CACNA2D2: variants seen among roughly 807,000 people sequenced by gnomAD.
The protein encoded by CACNA2D2 is calcium voltage-gated channel auxiliary subunit alpha2delta 2, also known as voltage-dependent calcium channel subunit alpha-2/delta-2.
In CACNA2D2, 48 loss-of-function variants were observed where a neutral mutation model predicts 166.4. The observed-to-expected ratio is 0.29, with a 90% confidence interval of 0.23 to 0.37. The LOEUF is 0.37. Among genes scored for constraint, CACNA2D2 ranks in the 10% least tolerant of loss-of-function variants. The pLI is 1.00. For synonymous variants in CACNA2D2, 561 were observed against 573.7 expected (o/e 0.98, Z 0.32); for missense variants, 1,122 against 1,433.0 (o/e 0.78, Z 3.50).
chr3:50,465,916 A>C (rs1337852324), intron 2 of CACNA2D2, among the ~76,000 whole-genome samples: 1 of 152,160 alleles, frequency 6.6e-6, no homozygotes, highest in East Asian at 1.9e-4. Context: ...AGTGCACTGG[A>C]GAATCACCTG....
At chr3:50,482,941 A>G (rs1184819971) in intron 1 of CACNA2D2, among the ~76,000 whole-genome samples, 1 of 152,134 alleles carries the variant, frequency 6.6e-6, no homozygotes, top group East Asian at 1.9e-4. Context: ...AGTCTAGCCG[A>G]GATCACTCAC....
chr3:50,447,496 T>C (rs1255111783), intron 2 of CACNA2D2, among the ~76,000 whole-genome samples: 1 of 152,136 alleles, frequency 6.6e-6, no homozygotes, highest in South Asian at 2.1e-4. Context: ...GCCCTGATTA[T>C]GTAAGGCAGC....
intron 2 of CACNA2D2, among the ~76,000 whole-genome samples, chr3:50,452,244 C>T (rs1216390724): frequency 6.6e-6 from 1 of 152,228 alleles, no homozygotes; most frequent in Admixed American, 6.5e-5. Flanking sequence ...GAGAATGCCT[C>T]ACAGCCCAAC....
chr3:50,377,433 G>A, intron 17 of CACNA2D2, 34 bp downstream of exon 17: 7 of 1,564,046 alleles, frequency 4.5e-6, no homozygotes, highest in Non-Finnish European at 6.2e-6. Context: ...CCACATGGGA[G>A]GCAGGGTACG....
intron 3 of CACNA2D2, among the ~76,000 whole-genome samples, chr3:50,431,492 G>C (rs953088524): frequency 6.6e-6 from 1 of 152,256 alleles, no homozygotes; most frequent in East Asian, 1.9e-4. Context: ...CAGAGTCAGG[G>C]AGACCTGAGT....
intron 1 of CACNA2D2, among the ~76,000 whole-genome samples, chr3:50,486,457 T>C (rs1368190073): frequency 2.6e-5 from 4 of 152,102 alleles, no homozygotes; most frequent in Admixed American, 2.6e-4. Flanking sequence ...GTCCTCTGTA[T>C]GAGTCCTCAA....
Position 50,366,721 on chromosome 3 carries a change from G to C in CACNA2D2, c.2590-96C>G. On this transcript the variant is annotated intron_variant, in intron 29 of 37. Coordinates refer to ENST00000424201, the MANE Select transcript of CACNA2D2 (RefSeq NM_006030.4). This position sits in a 1 kb window ranked among gnomAD's most constrained non-coding sequence, Gnocchi z 5.9. ...CGGTTCCCCAGGCCATCTGCAGCTG[G>C]CCCTGCCTCCATGTAGGTGTTGGAG... 1 of 1,562,232 alleles carries C rather than the reference G, an allele frequency of 6.4e-7. No individual in the cohort carries two copies. The highest frequency in any genetic ancestry group is 8.8e-7 in the Non-Finnish European group (1 of 1,136,968).
chr3:50,367,231 A>C lies in CACNA2D2; in HGVS notation c.2402-122T>G, dbSNP rs1441574771. 2 of 991,336 alleles carry C rather than the reference A, an allele frequency of 2.0e-6. No individual in the cohort carries two copies. The highest frequency in any genetic ancestry group is 3.1e-6 in the Non-Finnish European group (2 of 642,036). 61.4% of individuals were successfully genotyped at this position (991,336 alleles called of 1,614,324 possible). On this transcript the variant is annotated intron_variant, in intron 27 of 37. Transcript: ENST00000424201. The surrounding 1 kb of genome is among the most constrained non-coding windows in gnomAD (Gnocchi z 6.5). ...ACTCCAGCCCAAGCACCCAGCACTC[A>C]GGACAGTGTTTGGCACAGTCTATCC...
Position 50,367,671 on chromosome 3 carries a change from G to C in CACNA2D2, c.2268C>G (p.Asp756Glu). Residue 756 changes from aspartate (D) to glutamate (E), a missense_variant, in exon 26 of 38, where the codon GAC becomes GAG. Transcript: ENST00000424201. This position sits in a 1 kb window ranked among gnomAD's most constrained non-coding sequence, Gnocchi z 6.5. The part of the protein sequence containing the change: ...YSLLAVFAAT[D>E]GGITRVFPNK... ...TGGGGAAGACTCGGGTGATGCCACC[G>C]TCTGTGGCAGCGAACACGGCCAGTA... The C allele has an allele frequency of 1.2e-6, 2 of 1,612,414 alleles. No individual in the cohort carries two copies. The highest frequency in any genetic ancestry group is 8.5e-7 in the Non-Finnish European group (1 of 1,178,910).
intron 4 of CACNA2D2, among the ~76,000 whole-genome samples, chr3:50,389,223 C>T (rs1443880417): frequency 2.0e-5 from 3 of 152,108 alleles, no homozygotes; most frequent in Non-Finnish European, 2.9e-5. Context: ...CGGCTCCGAC[C>T]GAAGCGCATA....
intron 3 of CACNA2D2, among the ~76,000 whole-genome samples, chr3:50,403,663 C>G (rs751354899): frequency 6.6e-6 from 1 of 152,224 alleles, no homozygotes; most frequent in Non-Finnish European, 1.5e-5. Context: ...GCCTGGACCA[C>G]TCCTCCCTTC....
chr3:50,401,589 C>T (rs1001193473), intron 3 of CACNA2D2, among the ~76,000 whole-genome samples: 1 of 152,236 alleles, frequency 6.6e-6, no homozygotes, highest in Non-Finnish European at 1.5e-5. Flanking sequence ...TTTCCCAGAA[C>T]ATCCTGGGCT....
At chr3:50,466,453 T>G (rs1709833127) in intron 2 of CACNA2D2, among the ~76,000 whole-genome samples, 1 of 152,210 alleles carries the variant, frequency 6.6e-6, no homozygotes, top group Non-Finnish European at 1.5e-5. Flanking sequence ...CACTCAGAAC[T>G]GCACATTTGT....
At chr3:50,441,158 C>G in intron 2 of CACNA2D2, among the ~76,000 whole-genome samples, 1 of 152,044 alleles carries the variant, frequency 6.6e-6, no homozygotes, top group East Asian at 1.9e-4. Flanking sequence ...ATGTGACTGA[C>G]CACAAGGTGA....
At chr3:50,471,529 G>C (rs1339153125) in intron 2 of CACNA2D2, among the ~76,000 whole-genome samples, 1 of 152,194 alleles carries the variant, frequency 6.6e-6, no homozygotes, top group Non-Finnish European at 1.5e-5. Context: ...CACTCTGGAT[G>C]CCCAGAGGGC....
chr3:50,409,731 CT>C (rs1368890370), intron 3 of CACNA2D2, among the ~76,000 whole-genome samples: 1 of 152,226 alleles, frequency 6.6e-6, no homozygotes, highest in Non-Finnish European at 1.5e-5. Context: ...TCAAGTCCCC[CT>C]CCCCTACTTG....
intron 2 of CACNA2D2, among the ~76,000 whole-genome samples, chr3:50,458,903 C>A (rs1393079401): frequency 6.6e-6 from 1 of 152,232 alleles, no homozygotes; most frequent in African/African-American, 2.4e-5. Context: ...AGGCCTGTGC[C>A]ATCCCTTCCC....
At chr3:50,445,529 C>A (rs1362022038) in intron 2 of CACNA2D2, among the ~76,000 whole-genome samples, 7 of 152,182 alleles carry the variant, frequency 4.6e-5, no homozygotes, top group African/African-American at 1.7e-4. Flanking sequence ...TTAGGCTCTC[C>A]TTGAATTTTA....
chr3:50,435,691 C>A (rs577673056), intron 2 of CACNA2D2, among the ~76,000 whole-genome samples: 2 of 152,130 alleles, frequency 1.3e-5, no homozygotes, highest in African/African-American at 2.4e-5. Flanking sequence ...CTGCTGCTAC[C>A]CAGTGCCTGG....
Sources: gnomAD v4.1 joint callset for allele counts (sites outside exome capture counted in the v4.1 genomes callset) on GRCh38, gnomAD v4.1.1 for gene constraint, Gnocchi (gnomAD v3.1) non-coding constraint, MANE v1.5 for transcripts, NCBI Gene and HGNC (gene_info 2026-07-23, HGNC 2026-07-21) for gene names.